DTNA: variants seen among roughly 807,000 people sequenced by gnomAD.
DTNA encodes dystrobrevin alpha.
A neutral mutation model predicts 100.7 loss-of-function variants in DTNA; 43 were observed. The observed-to-expected ratio is 0.43, with a 90% CI of 0.33 to 0.55. The LOEUF (loss-of-function observed/expected upper bound fraction) is 0.55, where lower values mean the gene tolerates loss of function less well. DTNA is among the 20% of genes least tolerant of loss of function. The pLI, the probability that DTNA is intolerant of heterozygous loss-of-function variation, is 0.04. For synonymous variants in DTNA, 349 were observed against 347.9 expected (o/e 1.00, Z -0.04); for missense variants, 798 against 953.9 (o/e 0.84, Z 2.15).
intron 3 of DTNA, among the ~76,000 whole-genome samples, chr18:34,779,391 C>T (rs2094213051): frequency 6.6e-6 from 1 of 152,206 alleles, no homozygotes; most frequent in African/African-American, 2.4e-5. Flanking sequence ...CTTGGAGCTT[C>T]ACTTCAAGCT....
intron 17 of DTNA, chr18:34,866,341 AAAG>A: frequency 7.0e-7 from 1 of 1,428,518 alleles, no homozygotes; most frequent in Non-Finnish European, 9.1e-7. Flanking sequence ...ATCCACATCA[AAAG>A]AAGAACTATG....
rs566356716 is a variant in DTNA at position 34,620,989 on chromosome 18, C to A, written c.-2+127475C>A. Reference sequence around the variant, plus strand: ...TGCATAAAATACCATTTTAAAAAAACCCAGCTATTTATTGCAAATTTCAAG... The same window carrying A: ...TGCATAAAATACCATTTTAAAAAAAACCAGCTATTTATTGCAAATTTCAAG... On this transcript the variant is annotated intron_variant, in intron 1 of 19. Coordinates refer to the DTNA transcript ENST00000283365. 4.0e-5 allele frequency among the ~76,000 whole-genome samples: 6 copies of A among 151,756 alleles called. No individual in the cohort carries two copies. In the East Asian group the frequency reaches 1.2e-3, roughly 29 times the overall value.
chr18:34,507,629 T>A (rs1005342316), intron 1 of DTNA, among the ~76,000 whole-genome samples: 2 of 152,114 alleles, frequency 1.3e-5, no homozygotes, highest in Non-Finnish European at 2.9e-5. Flanking sequence ...ATCAAGTTAT[T>A]GACATTGTAG....
chr18:34,746,140 G>C (rs1422278027), intron 1 of DTNA, among the ~76,000 whole-genome samples: 2 of 151,148 alleles, frequency 1.3e-5, no homozygotes. Flanking sequence ...CAAAATTCAA[G>C]GTTGTCTTAT....
At chr18:34,552,569 C>T (rs2045554379) in intron 1 of DTNA, among the ~76,000 whole-genome samples, 1 of 143,026 alleles carries the variant, frequency 7.0e-6, no homozygotes, top group African/African-American at 2.6e-5. Flanking sequence ...TGATATTCCC[C>T]TTCCTGTGTC....
chr18:34,827,853 G>C (rs990433520), intron 10 of DTNA, among the ~76,000 whole-genome samples, 177 bp downstream of exon 10: 1 of 152,152 alleles, frequency 6.6e-6, no homozygotes, highest in Non-Finnish European at 1.5e-5. Flanking sequence ...AAGAGGGGTA[G>C]GGTGGCTTTG....
Position 34,891,092 on chromosome 18 carries a change from G to A in DTNA, c.*3358G>A, listed in dbSNP as rs948939818. 3.3e-5 allele frequency: 5 copies of A among 152,446 alleles called. No homozygotes were observed. The highest frequency in any genetic ancestry group is 7.3e-5 in the Non-Finnish European group (5 of 68,028). 9.4% of individuals were successfully genotyped at this position (152,446 alleles called of 1,614,324 possible). ...GAACCAAAAAGAGAAAAAAAAATCA[G>A]AAGTGTTGCATCTTGAGGCGAATTA... is the stretch of plus-strand genomic sequence containing the variant. On this transcript the variant is annotated 3_prime_UTR_variant, in exon 23 of 23. Coordinates refer to ENST00000444659, the MANE Select transcript of DTNA (RefSeq NM_001386795.1).
At chr18:34,660,044 C>T (rs12956631) in intron 1 of DTNA, among the ~76,000 whole-genome samples, 18,777 of 152,102 alleles carry the variant, frequency 0.12, 1,841 homozygotes, top group African/African-American at 0.27. Context: ...TCTGAGTGTA[C>T]CAAGGAGGGC....
intron 16 of DTNA, among the ~76,000 whole-genome samples, chr18:34,863,611 C>G (rs1233271028): frequency 6.6e-6 from 1 of 152,218 alleles, no homozygotes; most frequent in Non-Finnish European, 1.5e-5. Flanking sequence ...TTGCCTTTTT[C>G]AGTGACAATT....
chr18:34,618,231 T>C (rs2055730580), intron 1 of DTNA, among the ~76,000 whole-genome samples: 1 of 152,172 alleles, frequency 6.6e-6, no homozygotes, highest in South Asian at 2.1e-4. Flanking sequence ...AATATTCATG[T>C]CAACCATTTT....
chr18:34,845,841 T>A (rs1603196300), intron 13 of DTNA, among the ~76,000 whole-genome samples: 1 of 152,300 alleles, frequency 6.6e-6, no homozygotes, highest in South Asian at 2.1e-4. Flanking sequence ...AATTATTTTC[T>A]TACTCCAAAT....
chr18:34,838,198 AC>A (rs1246366194), intron 12 of DTNA, 27 bp downstream of exon 12: 1 of 1,610,572 alleles, frequency 6.2e-7, no homozygotes, highest in Non-Finnish European at 8.5e-7. Context: ...GTGTACTGGA[AC>A]CCTGCATTAA....
intron 18 of DTNA, among the ~76,000 whole-genome samples, chr18:34,876,775 T>C (rs2096823174): frequency 6.6e-6 from 1 of 152,332 alleles, no homozygotes; most frequent in South Asian, 2.1e-4. Context: ...TTCTAGGCAC[T>C]GAATATAACT....
chr18:34,495,842 A>G (rs1005093617), intron 1 of DTNA, among the ~76,000 whole-genome samples: 3 of 152,192 alleles, frequency 2.0e-5, no homozygotes, highest in South Asian at 2.1e-4. Flanking sequence ...GTGAGCTCCA[A>G]CTTACTTAGA....
intron 21 of DTNA, among the ~76,000 whole-genome samples, chr18:34,884,399 C>G (rs911593949): frequency 6.6e-6 from 1 of 152,150 alleles, no homozygotes; most frequent in Non-Finnish European, 1.5e-5. Context: ...TTTTTACCAT[C>G]GCTGGTAAAT....
At chr18:34,572,549 C>T (rs780816193) in intron 1 of DTNA, among the ~76,000 whole-genome samples, 4 of 152,070 alleles carry the variant, frequency 2.6e-5, no homozygotes, top group Non-Finnish European at 5.9e-5. Flanking sequence ...ACAGCAGAGG[C>T]GGAATGTGAG....
chr18:34,829,266 G>A (rs2095940571), intron 10 of DTNA, 134 bp from the exon 11 acceptor site: 1 of 1,523,166 alleles, frequency 6.6e-7, no homozygotes, highest in African/African-American at 1.4e-5. Context: ...TGTCACCACA[G>A]AGATTGGCCT....
intron 1 of DTNA, among the ~76,000 whole-genome samples, chr18:34,608,469 C>CAAATATTCA (rs2053570500): frequency 6.6e-6 from 1 of 151,322 alleles, no homozygotes. Context: ...TCTTTCTACT[C>CAAATATTCA]AAATATTCAG....
At chr18:34,650,030 A>ACCAC (rs2060265076) in intron 1 of DTNA, among the ~76,000 whole-genome samples, 1 of 152,114 alleles carries the variant, frequency 6.6e-6, no homozygotes, top group African/African-American at 2.4e-5. Flanking sequence ...CAAAAGTGGT[A>ACCAC]GTTCACAACC....
Sources: gnomAD v4.1 joint callset for allele counts (sites outside exome capture counted in the v4.1 genomes callset) on GRCh38, gnomAD v4.1.1 for gene constraint, MANE v1.5 for transcripts, NCBI Gene and HGNC (gene_info 2026-07-23, HGNC 2026-07-21) for gene names.